The following NECTIN1 variants were observed in gnomAD, a reference collection of about 807,000 sequenced individuals.
NECTIN1 encodes the protein nectin cell adhesion molecule 1, also known as nectin-1.
Under a neutral mutation model 48.0 loss-of-function variants are expected in NECTIN1, and 23 were observed. That is an observed-to-expected ratio of 0.48 (90% CI 0.34 to 0.68). The LOEUF is 0.68. Ranked by LOEUF, NECTIN1 falls within the 30% of genes least tolerant of loss-of-function variation. The pLI, the probability that NECTIN1 is intolerant of heterozygous loss-of-function variation, is 0.01. For synonymous variants in NECTIN1, 270 were observed against 288.9 expected (o/e 0.93, Z 0.66); for missense variants, 591 against 709.9 (o/e 0.83, Z 1.90).
At chr11:119,725,754 G>A (rs1028457194) in intron 1 of NECTIN1, among the ~76,000 whole-genome samples, 5 of 152,206 alleles carry the variant, frequency 3.3e-5, no homozygotes, top group Admixed American at 6.5e-5. Context: ...CAGGTCTTCC[G>A]AGGGTGTGCA....
chr11:119,651,575 G>A (rs1259290761), intron 5 of NECTIN1, among the ~76,000 whole-genome samples: 1 of 152,026 alleles, frequency 6.6e-6, no homozygotes, highest in Non-Finnish European at 1.5e-5. Context: ...TCATTAGCAG[G>A]GGAGCTCCTT....
chr11:119,651,481 G>C (rs1257698655), intron 5 of NECTIN1, among the ~76,000 whole-genome samples: 1 of 152,096 alleles, frequency 6.6e-6, no homozygotes, highest in Non-Finnish European at 1.5e-5. Context: ...GCTGTCGGAG[G>C]AGACATGGGG....
At chr11:119,638,109 C>G in exon 8 of NECTIN1, 3 of 1,612,660 alleles carry the variant, frequency 1.9e-6, no homozygotes, top group Non-Finnish European at 2.5e-6. Flanking sequence ...TAGGGGCACT[C>G]TCCTCGAGGT....
At position 119,663,887 on chromosome 11, in the gene NECTIN1, G is replaced by T; in HGVS notation, c.*860C>A. The T allele has an allele frequency of 1.0e-6, 1 of 986,348 alleles. No homozygotes were observed. The allele number at this position is 986,348 out of a possible 1,614,324, so 61.1% of individuals were successfully genotyped here. On this transcript the variant is annotated 3_prime_UTR_variant, in exon 6 of 6. Coordinates refer to ENST00000264025, the MANE Select transcript of NECTIN1 (RefSeq NM_002855.5). ...GAAATAGACGGGTGGGCCTTGGGCAGTGTCTGGATGGGGCAGGGCATGGGA... is the reference window on the plus strand; with the variant it reads ...GAAATAGACGGGTGGGCCTTGGGCATTGTCTGGATGGGGCAGGGCATGGGA...
chr11:119,728,702 GCTGGGT>G lies in NECTIN1; in HGVS notation c.-155_-150del. The G allele has an allele frequency of 3.2e-5, 14 of 432,290 alleles. No individual in the cohort carries two copies. The highest frequency in any genetic ancestry group is 4.5e-5 in the Admixed American group (1 of 22,268). The allele number at this position is 432,290 out of a possible 1,614,324, so 26.8% of individuals were successfully genotyped here. A position where few individuals can be genotyped will look rare whatever the true frequency, so the allele number is the denominator to read the frequency against. On this transcript the variant is annotated 5_prime_UTR_variant, in exon 1 of 6. Coordinates refer to ENST00000264025, the MANE Select transcript of NECTIN1 (RefSeq NM_002855.5). ...GCAGCCGTCGGCCGGGGCGGGGTGG[GCTGGGT>G]GGGATCCGCGCGGCCGCAGTCCGGG...
chr11:119,702,134 C>G (rs956909855), intron 1 of NECTIN1, among the ~76,000 whole-genome samples: 1 of 152,196 alleles, frequency 6.6e-6, no homozygotes, highest in Admixed American at 6.5e-5. Flanking sequence ...TCCTGTGGGA[C>G]AGTGTTTTTG....
At chr11:119,655,559 G>A (rs1397624677) in intron 5 of NECTIN1, among the ~76,000 whole-genome samples, 1 of 152,170 alleles carries the variant, frequency 6.6e-6, no homozygotes, top group African/African-American at 2.4e-5. Context: ...TGAAGCCCAG[G>A]CTCCTAACAG....
chr11:119,690,332 T>A (rs4938709), intron 1 of NECTIN1, among the ~76,000 whole-genome samples: 64,269 of 151,884 alleles, frequency 0.42, 13,918 homozygotes, highest in East Asian at 0.55. Context: ...AAAAAATAAA[T>A]AAATAAAAAA....
At chr11:119,682,073 A>G (rs1012286943) in intron 1 of NECTIN1, among the ~76,000 whole-genome samples, 1 of 152,072 alleles carries the variant, frequency 6.6e-6, no homozygotes, top group Non-Finnish European at 1.5e-5. Context: ...TCCACTCCAG[A>G]CTTAGGGACC....
intron 1 of NECTIN1, among the ~76,000 whole-genome samples, chr11:119,685,385 G>A (rs1374329967): frequency 2.6e-5 from 4 of 152,212 alleles, no homozygotes; most frequent in African/African-American, 9.6e-5. Context: ...GGGGCACGGC[G>A]GCCTGGGAAA....
chr11:119,691,074 T>G (rs191401457), intron 1 of NECTIN1, among the ~76,000 whole-genome samples: 1 of 152,304 alleles, frequency 6.6e-6, no homozygotes, highest in East Asian at 1.9e-4. Flanking sequence ...CAACTCAATG[T>G]GCTTGCCCCA....
At chr11:119,639,829 G>A in intron 6 of NECTIN1, 1 of 1,613,770 alleles carries the variant, frequency 6.2e-7, no homozygotes, top group Non-Finnish European at 8.5e-7. Context: ...GAGCAGACCA[G>A]TGGGAGTTTA....
rs538653945 is a variant in NECTIN1, at chr11:119,669,538, T to G, written c.1004-4241A>C. Among the ~76,000 whole-genome samples, 152 of 152,328 alleles carry G rather than the reference T, an allele frequency of 1.0e-3. 1 individual carries two copies. Among genetic ancestry groups the G allele is most frequent in the Non-Finnish European group, 1.8e-3 (125 of 68,020 alleles). On this transcript the variant is annotated intron_variant, in intron 5 of 5. Coordinates refer to ENST00000264025, the MANE Select transcript of NECTIN1 (RefSeq NM_002855.5). ...TGCAATAGCTGCCTAACTGCTCCCC[T>G]GATTCCATCCTTTCCCTCTGTGGAC...
At position 119,661,604 on chromosome 11, in the gene NECTIN1, C is replaced by T; in HGVS notation, c.*3143G>A. ...CAGAGCTGCCCACACCCACCTAACA[C>T]AATTCCCAATTTCTCTGCTCTGAGG... is the stretch of plus-strand genomic sequence containing the variant. On this transcript the variant is annotated 3_prime_UTR_variant, in exon 6 of 6. Coordinates refer to ENST00000264025, the MANE Select transcript of NECTIN1 (RefSeq NM_002855.5). 7 of 985,888 alleles carry T rather than the reference C, an allele frequency of 7.1e-6. No individual in the cohort carries two copies. The highest frequency in any genetic ancestry group is 8.4e-6 in the Non-Finnish European group (7 of 829,940). The allele number at this position is 985,888 out of a possible 1,614,324, so 61.1% of individuals were successfully genotyped here.
rs542586745 is a variant in NECTIN1, at chr11:119,654,538, A to ATGTG, written c.1004-14530_1004-14527dup. On this transcript the variant is annotated intron_variant, in intron 5 of 7. Coordinates refer to the NECTIN1 transcript ENST00000341398. ...CCCTCAGAATGGGAGGGAGATGGCA[A>ATGTG]TGTGTGTGTGCGTGTGTGTGTGTTT... Among the ~76,000 whole-genome samples the ATGTG allele has an allele frequency of 4.9e-4, 36 of 74,122 alleles. 1 individual carries two copies. In the South Asian group the frequency reaches 0.011, roughly 22 times the overall value. 48.6% of individuals were successfully genotyped at this position (74,122 alleles called of 152,430 possible).
At chr11:119,657,412 G>C (rs973909210), downstream of NECTIN1, among the ~76,000 whole-genome samples, 1 of 152,030 alleles carries the variant, frequency 6.6e-6, no homozygotes, top group Admixed American at 6.6e-5. Context: ...TCAGGAGGTC[G>C]AGATCATCCT....
chr11:119,691,114 C>T (rs758240973), intron 1 of NECTIN1, among the ~76,000 whole-genome samples: 3 of 152,222 alleles, frequency 2.0e-5, no homozygotes, highest in Admixed American at 2.0e-4. Flanking sequence ...TTCTCCCCAA[C>T]CACTCACAGA....
intron 6 of NECTIN1, among the ~76,000 whole-genome samples, chr11:119,639,313 G>A (rs556131632): frequency 6.6e-6 from 1 of 152,270 alleles, no homozygotes; most frequent in East Asian, 1.9e-4. Flanking sequence ...TGTCTGATGC[G>A]AAAGGAAAAG....
intron 5 of NECTIN1, among the ~76,000 whole-genome samples, chr11:119,669,193 C>G (rs1406020861): frequency 1.3e-5 from 2 of 152,176 alleles, no homozygotes; most frequent in African/African-American, 4.8e-5. Context: ...GGACGGATCA[C>G]CTAAGGTCAG....
Sources: allele counts gnomAD v4.1 joint callset (sites outside exome capture counted in the v4.1 genomes callset), GRCh38; gene constraint gnomAD v4.1.1; transcripts MANE v1.5; gene names NCBI Gene and HGNC (gene_info 2026-07-23, HGNC 2026-07-21).